The following PC variants were observed in gnomAD, a reference collection of about 807,000 sequenced individuals.
The protein encoded by PC is pyruvate carboxylase.
In PC, 46 loss-of-function variants were observed where a neutral mutation model predicts 107.8. That is an observed-to-expected ratio of 0.43 (90% CI 0.34 to 0.55). PC has a LOEUF of 0.55. Among genes scored for constraint, PC ranks in the 20% least tolerant of loss-of-function variants. PC has a pLI of 0.04. For missense variants in PC, 1,241 were observed against 1,643.1 expected (o/e 0.76, Z 4.23); for synonymous variants, 662 against 684.7 (o/e 0.97, Z 0.52).
At chr11:66,943,465 G>A (rs1396651895) in intron 3 of PC, among the ~76,000 whole-genome samples, 2 of 151,932 alleles carry the variant, frequency 1.3e-5, no homozygotes, top group African/African-American at 4.8e-5. Flanking sequence ...TCGGCCGGGT[G>A]CGGTGGCTCA....
At chr11:66,872,951 C>G (rs1331581616) in intron 3 of PC, among the ~76,000 whole-genome samples, 1 of 151,372 alleles carries the variant, frequency 6.6e-6, no homozygotes, top group South Asian at 2.1e-4. Flanking sequence ...GCACGAGAAT[C>G]GCTTGAACCT....
At chr11:66,926,165 T>C (rs527905821) in intron 3 of PC, among the ~76,000 whole-genome samples, 16 of 152,330 alleles carry the variant, frequency 1.1e-4, no homozygotes, top group Admixed American at 4.6e-4. Context: ...TTAGCAGATA[T>C]TACCCTTGTG....
rs753201697 is a variant in PC at position 66,849,058 on chromosome 11, C to G, written c.3378G>C (p.Val1126=). 5 of 1,614,114 alleles carry G rather than the reference C, an allele frequency of 3.1e-6. No individual in the cohort carries two copies. Among genetic ancestry groups the G allele is most frequent in the African/African-American group, 2.7e-5 (2 of 75,066 alleles). ...MPGKVIDIKV[V]AGAKVAKGQP... is the part of the protein sequence containing the mutation. Reference sequence around the variant, plus strand: ...GGCCCTTGGCCACCTTGGCCCCTGCCACCACTTTGATGTCTATCACCTTCC... The same window carrying G: ...GGCCCTTGGCCACCTTGGCCCCTGCGACCACTTTGATGTCTATCACCTTCC... The change falls in exon 23 of 23, where the codon GTG becomes GTC. Residue 1126 remains valine (V), a synonymous_variant. Transcript: ENST00000393960.
At chr11:66,957,823 G>C (rs1209329532) in intron 1 of PC, 1 of 152,294 alleles carries the variant, frequency 6.6e-6, no homozygotes, top group East Asian at 1.9e-4. Context: ...GGATCCTACG[G>C]GAGGCGGAGT....
intron 3 of PC, among the ~76,000 whole-genome samples, chr11:66,902,793 CTG>C (rs1948008975): frequency 6.6e-6 from 1 of 152,208 alleles, no homozygotes; most frequent in South Asian, 2.1e-4. Flanking sequence ...CCCAGGCTAA[CTG>C]TGTAATCACA....
chr11:66,852,296 G>A lies in PC; in HGVS notation c.1825+143C>T. The A allele has an allele frequency of 1.3e-6, 1 of 776,732 alleles. No homozygotes were observed. The highest frequency in any genetic ancestry group is 2.2e-6 in the Non-Finnish European group (1 of 461,000). 48.1% of individuals were successfully genotyped at this position (776,732 alleles called of 1,614,324 possible). ...TGCCGGCACCAGGCCTGGCCGGAGA[G>A]GGCGCTGTGCCTTCTTCGGTCCTTC... On this transcript the variant is annotated intron_variant, in intron 15 of 22. Transcript: ENST00000393960. The surrounding 1 kb of genome is among the most constrained non-coding windows in gnomAD (Gnocchi z 4.7).
chr11:66,897,746 G>A (rs1019437202), intron 3 of PC, among the ~76,000 whole-genome samples: 5 of 152,170 alleles, frequency 3.3e-5, no homozygotes, highest in Non-Finnish European at 5.9e-5. Context: ...TGGTTAGCGA[G>A]TACAGGTCAT....
intron 3 of PC, among the ~76,000 whole-genome samples, chr11:66,877,523 A>G (rs899040566): frequency 6.6e-6 from 1 of 152,226 alleles, no homozygotes; most frequent in African/African-American, 2.4e-5. Flanking sequence ...CCCCATCTCT[A>G]CTAAAAAATA....
chr11:66,849,539 A>G (rs1945344301), intron 21 of PC, 72 bp downstream of exon 21: 1 of 1,612,546 alleles, frequency 6.2e-7, no homozygotes, highest in Non-Finnish European at 8.5e-7. Context: ...GCTGGGTGAC[A>G]GCCAAGCTAA....
chr11:66,865,562 C>A (rs1406503870), intron 11 of PC, among the ~76,000 whole-genome samples: 1 of 152,176 alleles, frequency 6.6e-6, no homozygotes, highest in Admixed American at 6.5e-5. Context: ...GTACAGGGAG[C>A]CCTCCTGGAG....
At position 66,848,892 on chromosome 11, in the gene PC, G is replaced by A. The variant is rs1945299850; in HGVS notation, c.*7C>T. 1 of 1,613,696 alleles carries A rather than the reference G, an allele frequency of 6.2e-7. No homozygotes were observed. The highest frequency in any genetic ancestry group is 8.5e-7 in the Non-Finnish European group (1 of 1,180,028). On this transcript the variant is annotated 3_prime_UTR_variant, in exon 23 of 23. Coordinates refer to ENST00000393960, the MANE Select transcript of PC (RefSeq NM_001040716.2). ...GGGGATGGCCAGGCTGCCGGTCTGG[G>A]GCAAGATCACTCGATCTCCAGGATG...
At chr11:66,914,764 G>A (rs1948427445) in intron 3 of PC, among the ~76,000 whole-genome samples, 1 of 152,286 alleles carries the variant, frequency 6.6e-6, no homozygotes, top group East Asian at 1.9e-4. Flanking sequence ...GCAGGTTGTG[G>A]TGGCTCATAC....
At chr11:66,859,774 A>G in intron 12 of PC, 2 of 1,605,354 alleles carry the variant, frequency 1.2e-6, no homozygotes, top group South Asian at 1.1e-5. Context: ...GGCTGTGCCC[A>G]TTTCTCCACG....
At chr11:66,955,962 G>C (rs1949551432) in intron 1 of PC, among the ~76,000 whole-genome samples, 1 of 151,994 alleles carries the variant, frequency 6.6e-6, no homozygotes, top group African/African-American at 2.4e-5. Flanking sequence ...TAGCAGAGAA[G>C]GGGTTTCACC....
intron 12 of PC, among the ~76,000 whole-genome samples, chr11:66,863,117 G>A (rs764443730): frequency 6.6e-6 from 1 of 152,184 alleles, no homozygotes; most frequent in Non-Finnish European, 1.5e-5. Flanking sequence ...CAAGGCGGGT[G>A]GAACACCTGA....
At chr11:66,851,373 G>C in intron 16 of PC, 93 bp from the exon 17 acceptor site, 1 of 1,560,720 alleles carries the variant, frequency 6.4e-7, no homozygotes, top group Non-Finnish European at 8.7e-7. Context: ...TATGGCCCCT[G>C]GGGAATGAGA....
At chr11:66,915,183 C>T (rs539722369) in intron 3 of PC, among the ~76,000 whole-genome samples, 2 of 152,252 alleles carry the variant, frequency 1.3e-5, no homozygotes, top group Admixed American at 6.5e-5. Flanking sequence ...AAGCTCCTCC[C>T]GCCCTCCACT....
chr11:66,939,397 C>T (rs1949069996), intron 3 of PC, among the ~76,000 whole-genome samples: 1 of 152,030 alleles, frequency 6.6e-6, no homozygotes, highest in Non-Finnish European at 1.5e-5. Flanking sequence ...GGTCTTGGAA[C>T]CAGTCCCCAG....
intron 3 of PC, among the ~76,000 whole-genome samples, chr11:66,904,988 C>T (rs576369803): frequency 1.4e-4 from 21 of 152,318 alleles, no homozygotes; most frequent in African/African-American, 3.8e-4. Context: ...ATTGGCTCTT[C>T]GGTTTCAGAA....
Sources: allele counts gnomAD v4.1 joint callset (sites outside exome capture counted in the v4.1 genomes callset), GRCh38; gene constraint gnomAD v4.1.1; non-coding constraint Gnocchi (gnomAD v3.1); transcripts MANE v1.5; gene names NCBI Gene and HGNC (gene_info 2026-07-23, HGNC 2026-07-21).